P3H2: variants seen among roughly 807,000 people sequenced by gnomAD.
The protein encoded by P3H2 is leprecan-like 1.
P3H2 carries 80 observed loss-of-function variants against 87.0 expected under a neutral mutation model. That is an observed-to-expected ratio of 0.92 (90% CI 0.77 to 1.11). P3H2 has a LOEUF of 1.11. P3H2 is among the 50% of genes least tolerant of loss of function. The probability of loss-of-function intolerance (pLI) is 0.00; values close to 1 mark genes in which losing one functional copy is unlikely to be tolerated. For synonymous variants in P3H2, 367 were observed against 359.3 expected, an observed-to-expected ratio of 1.02 and a Z score of -0.24; for missense variants, 1,001 against 923.9, an observed-to-expected ratio of 1.08 and a Z score of -1.08.
intron 1 of P3H2, among the ~76,000 whole-genome samples, chr3:190,065,813 A>G (rs994638804): frequency 6.6e-6 from 1 of 152,124 alleles, no homozygotes; most frequent in Non-Finnish European, 1.5e-5. Flanking sequence ...ATAAAAGTTT[A>G]TGAAACACTT....
chr3:190,117,761 G>A (rs1712352001), intron 1 of P3H2, among the ~76,000 whole-genome samples: 1 of 151,412 alleles, frequency 6.6e-6, no homozygotes, highest in African/African-American at 2.4e-5. Context: ...GGGGGAGGGG[G>A]GTGAAGGGGA....
At chr3:189,968,593 C>G (rs1723072288) in intron 13 of P3H2, among the ~76,000 whole-genome samples, 1 of 152,110 alleles carries the variant, frequency 6.6e-6, no homozygotes, top group South Asian at 2.1e-4. Flanking sequence ...GATTTATAAT[C>G]CTTTGGGTAT....
At chr3:189,989,811 G>A (rs192993381) in intron 3 of P3H2, among the ~76,000 whole-genome samples, 481 of 152,190 alleles carry the variant, frequency 3.2e-3, no homozygotes, top group Non-Finnish European at 4.7e-3. Flanking sequence ...GAGTCCTGAA[G>A]TGTTAGGGTC....
chr3:190,048,985 C>G (rs1358811789), intron 1 of P3H2, among the ~76,000 whole-genome samples: 6 of 152,158 alleles, frequency 3.9e-5, no homozygotes, highest in Non-Finnish European at 7.3e-5. Context: ...CCTCTCACAG[C>G]TGTGTTGGAA....
rs374608909 is a variant in P3H2 at position 190,022,662 on chromosome 3, G to A, written c.481-27220C>T. 1.1e-4 allele frequency among the ~76,000 whole-genome samples: 9 copies of A among 80,224 alleles called. 1 individual carries two copies. The highest frequency in any genetic ancestry group is 2.5e-4 in the African/African-American group (7 of 28,326). The allele number at this position is 80,224 out of a possible 152,430, so 52.6% of individuals were successfully genotyped here. Reference sequence around the variant, plus strand: ...CAAAACCCCAAATGCCTTCAGAGGCGAGGCAGATAATATCAATAATGAAGT... The same window carrying A: ...CAAAACCCCAAATGCCTTCAGAGGCAAGGCAGATAATATCAATAATGAAGT... On this transcript the variant is annotated intron_variant, in intron 1 of 14. Transcript: ENST00000319332.
chr3:190,004,378 T>C (rs1371339234), intron 1 of P3H2, among the ~76,000 whole-genome samples: 2 of 152,170 alleles, frequency 1.3e-5, no homozygotes, highest in Non-Finnish European at 2.9e-5. Flanking sequence ...ATACAAACGA[T>C]AATTTATTTG....
intron 1 of P3H2, among the ~76,000 whole-genome samples, chr3:190,054,956 T>C (rs1359562176): frequency 1.3e-5 from 2 of 152,220 alleles, no homozygotes; most frequent in East Asian, 1.9e-4. Flanking sequence ...CAAGAATCTA[T>C]CCATGAGAAA....
chr3:190,032,900 C>T (rs1327630490), intron 1 of P3H2, among the ~76,000 whole-genome samples: 1 of 152,106 alleles, frequency 6.6e-6, no homozygotes, highest in Non-Finnish European at 1.5e-5. Flanking sequence ...ATTTATTGTG[C>T]ACTTTATTTC....
chr3:190,075,013 C>T (rs1049694814), intron 1 of P3H2, among the ~76,000 whole-genome samples: 1 of 152,208 alleles, frequency 6.6e-6, no homozygotes, highest in Non-Finnish European at 1.5e-5. Context: ...ATCTGACCAA[C>T]AGCACCTCCC....
chr3:190,070,505 C>G (rs926903403), intron 1 of P3H2, among the ~76,000 whole-genome samples: 1 of 152,070 alleles, frequency 6.6e-6, no homozygotes, highest in Non-Finnish European at 1.5e-5. Context: ...GGTCATCTAG[C>G]CATGAAGCTT....
chr3:189,989,123 T>G, intron 3 of P3H2, 85 bp from the exon 4 acceptor site: 2 of 1,512,180 alleles, frequency 1.3e-6, no homozygotes, highest in Non-Finnish European at 1.8e-6. Flanking sequence ...ACACAGGTCA[T>G]TCCTCACCTC....
rs149641206 is a variant in P3H2, at chr3:189,989,559, C to A, written c.824-521G>T. 5.0e-3 allele frequency among the ~76,000 whole-genome samples: 758 copies of A among 152,160 alleles called. 6 individuals carry two copies. The highest frequency in any genetic ancestry group is 0.018 in the African/African-American group (737 of 41,504). The stretch of plus-strand genomic sequence containing the variant: ...CTTTTTCTTTCTTAACATTTTCAAG[C>A]CAAATTGTCCTAAAAGAGAAATAAA... On this transcript the variant is annotated intron_variant, in intron 3 of 14. Coordinates refer to ENST00000319332, the MANE Select transcript of P3H2 (RefSeq NM_018192.4).
chr3:189,979,055 G>A (rs766725162), intron 8 of P3H2, among the ~76,000 whole-genome samples: 2 of 152,048 alleles, frequency 1.3e-5, no homozygotes, highest in Non-Finnish European at 2.9e-5. Flanking sequence ...TCAGAAATTC[G>A]ATAGTGTCAT....
intron 1 of P3H2, among the ~76,000 whole-genome samples, chr3:190,033,474 TTATC>T (rs1440945528): frequency 6.6e-6 from 1 of 152,056 alleles, no homozygotes; most frequent in Non-Finnish European, 1.5e-5. Context: ...TGAGAGAAAA[TTATC>T]TATTATTTTT....
At chr3:190,093,156 G>C (rs1727468843) in intron 1 of P3H2, among the ~76,000 whole-genome samples, 1 of 152,126 alleles carries the variant, frequency 6.6e-6, no homozygotes, top group African/African-American at 2.4e-5. Context: ...AACGATAATA[G>C]AAAATTGATA....
intron 1 of P3H2, among the ~76,000 whole-genome samples, chr3:190,047,032 C>T (rs1181544980): frequency 1.4e-4 from 8 of 56,678 alleles, no homozygotes; most frequent in Admixed American, 1.4e-3. Context: ...AACTCAATAG[C>T]AAACAAAACA....
Position 190,049,394 on chromosome 3 carries a change from C to T in P3H2, c.481-53952G>A, listed in dbSNP as rs116704783. Among the ~76,000 whole-genome samples the T allele has an allele frequency of 5.4e-3, 821 of 151,966 alleles. 1 individual carries two copies. The highest frequency in any genetic ancestry group is 0.014 in the Middle Eastern group (4 of 294). On this transcript the variant is annotated intron_variant, in intron 1 of 14. Coordinates refer to ENST00000319332, the MANE Select transcript of P3H2 (RefSeq NM_018192.4). Reference sequence around the variant, plus strand: ...CTCACATCCCCTCCTGTACCACTTTCAAGAAATTGGCTTTTCGCCTAAATG... The same window carrying T: ...CTCACATCCCCTCCTGTACCACTTTTAAGAAATTGGCTTTTCGCCTAAATG...
At chr3:190,031,370 T>C (rs1725245189) in intron 1 of P3H2, among the ~76,000 whole-genome samples, 1 of 58,346 alleles carries the variant, frequency 1.7e-5, no homozygotes, top group African/African-American at 6.1e-5. Flanking sequence ...GGGCATGAGG[T>C]CTCATGCCTG....
intron 1 of P3H2, among the ~76,000 whole-genome samples, chr3:190,004,088 A>G (rs190802326): frequency 2.6e-5 from 4 of 152,346 alleles, no homozygotes; most frequent in East Asian, 3.9e-4. Flanking sequence ...ATGTGAGTAC[A>G]GAACTCTACT....
Sources: gnomAD v4.1 joint callset for allele counts (sites outside exome capture counted in the v4.1 genomes callset) on GRCh38, gnomAD v4.1.1 for gene constraint, MANE v1.5 for transcripts, NCBI Gene and HGNC (gene_info 2026-07-23, HGNC 2026-07-21) for gene names.